The following FBXL14 variants were observed in gnomAD, a reference collection of about 807,000 sequenced individuals.
FBXL14 encodes F-box and leucine rich repeat protein 14.
In FBXL14, 11 loss-of-function variants were observed where a neutral mutation model predicts 24.5. That is an observed-to-expected ratio of 0.45 (90% confidence interval 0.28 to 0.74). FBXL14 has a LOEUF of 0.74. Ranked by LOEUF, FBXL14 falls within the 30% of genes least tolerant of loss-of-function variation. The pLI, the probability that FBXL14 is intolerant of heterozygous loss-of-function variation, is 0.12. For synonymous variants in FBXL14, 294 were observed against 240.4 expected, an observed-to-expected ratio of 1.22 and a Z score of -2.06; for missense variants, 384 against 545.6, an observed-to-expected ratio of 0.70 and a Z score of 2.95.
At position 1,569,646 on chromosome 12, in the gene FBXL14, C is replaced by T. The variant is rs148868093; in HGVS notation, c.1195-2836G>A. Among the ~76,000 whole-genome samples, 8,488 of 152,256 alleles carry T rather than the reference C, an allele frequency of 0.056. 331 individuals carry two copies. Among genetic ancestry groups the T allele is most frequent in the South Asian group, 0.19 (902 of 4,828 alleles). The stretch of plus-strand genomic sequence containing the variant: ...CGATCTCCTGAACTTGTGATCCGCC[C>T]GCCTCGGCCTCCCAGAGTGCTGGGA... On this transcript the variant is annotated intron_variant, in intron 1 of 1. Coordinates refer to ENST00000339235, the MANE Select transcript of FBXL14 (RefSeq NM_152441.3). The surrounding 1 kb of genome is among the most constrained non-coding windows in gnomAD (Gnocchi z 4.2).
rs148955964 is a variant in FBXL14 at position 1,579,701 on chromosome 12, C to T, written c.1195-12891G>A. Among the ~76,000 whole-genome samples the T allele has an allele frequency of 6.0e-4, 92 of 152,148 alleles. No individual in the cohort carries two copies. Among genetic ancestry groups the T allele is most frequent in the Non-Finnish European group, 1.1e-3 (75 of 68,012 alleles). ...AAGAAAGGACCTGAAAATTATTACT[C>T]AGGCTGGTATTTAGTTTGCTGACTT... On this transcript the variant is annotated intron_variant, in intron 1 of 1. Coordinates refer to ENST00000339235, the MANE Select transcript of FBXL14 (RefSeq NM_152441.3). This position sits in a 1 kb window ranked among gnomAD's most constrained non-coding sequence, Gnocchi z 4.3.
chr12:1,573,727 G>A (rs1477349819), intron 1 of FBXL14, among the ~76,000 whole-genome samples: 12 of 152,140 alleles, frequency 7.9e-5, no homozygotes, highest in Middle Eastern at 6.3e-3. Context: ...AAATGAGGCC[G>A]GGCCTGGTGG....
rs1163301818 is a variant in FBXL14 at position 1,594,528 on chromosome 12, G to T, written c.-462C>A. On this transcript the variant is annotated 5_prime_UTR_variant, in exon 1 of 2. Coordinates refer to ENST00000339235, the MANE Select transcript of FBXL14 (RefSeq NM_152441.3). ...AGGGGGCCCCGGGGGCCGGGCGCAC[G>T]GGCTCCGGGCGCGGAGGAGGCTTCC... 6.8e-6 allele frequency among the ~76,000 whole-genome samples: 1 copy of T among 147,664 alleles called. No individual in the cohort carries two copies. The highest frequency in any genetic ancestry group is 2.1e-4 in the South Asian group (1 of 4,812).
At chr12:1,581,558 A>G (rs888313823) in intron 1 of FBXL14, among the ~76,000 whole-genome samples, 2 of 152,170 alleles carry the variant, frequency 1.3e-5, no homozygotes, top group African/African-American at 2.4e-5. Flanking sequence ...GCTTTTTCCT[A>G]TGTGTCCTCT....
At chr12:1,592,552 T>A (rs1448141067) in intron 1 of FBXL14, among the ~76,000 whole-genome samples, 1 of 152,058 alleles carries the variant, frequency 6.6e-6, no homozygotes, top group Non-Finnish European at 1.5e-5. Flanking sequence ...GTCACAGCAG[T>A]GGGGATACAG....
intron 1 of FBXL14, among the ~76,000 whole-genome samples, chr12:1,581,213 T>TG (rs1239325409): frequency 1.5e-5 from 2 of 132,594 alleles, no homozygotes; most frequent in African/African-American, 2.7e-5. Context: ...ACCTTTAGGG[T>TG]GGGGGGTGGG....
In FBXL14 at chr12:1,590,279, A is replaced by G. The variant is rs1191559633; in HGVS notation, c.1194+2594T>C. On this transcript the variant is annotated intron_variant, in intron 1 of 1. Transcript: ENST00000339235. ...TTGTGATGACTCTCCAAAAAGGAAC[A>G]ATGCGGCTTTTGTGATATGCTCAGG... Among the ~76,000 whole-genome samples, 4 of 152,336 alleles carry G rather than the reference A, an allele frequency of 2.6e-5. No individual in the cohort carries two copies. The East Asian group carries it at 5.8e-4, about 22-fold the overall frequency.
At chr12:1,583,560 T>C (rs1010207757) in intron 1 of FBXL14, among the ~76,000 whole-genome samples, 1 of 152,206 alleles carries the variant, frequency 6.6e-6, no homozygotes, top group African/African-American at 2.4e-5. Context: ...GGAAATACTT[T>C]GCGGGTGCGG....
intron 1 of FBXL14, among the ~76,000 whole-genome samples, chr12:1,589,701 T>C (rs1363318362): frequency 1.3e-5 from 2 of 152,180 alleles, no homozygotes; most frequent in Non-Finnish European, 1.5e-5. Context: ...TCCAAAAAGG[T>C]TGAGAGATGA....
rs1592493474 is a variant in FBXL14 at position 1,594,520 on chromosome 12, G to C, written c.-454C>G. Among the ~76,000 whole-genome samples, 2 of 147,496 alleles carry C rather than the reference G, an allele frequency of 1.4e-5. No individual in the cohort carries two copies. Among genetic ancestry groups the C allele is most frequent in the South Asian group, 4.2e-4 (2 of 4,794 alleles). ...GGGCGGCGAGGGGGCCCCGGGGGCC[G>C]GGCGCACGGGCTCCGGGCGCGGAGG... On this transcript the variant is annotated 5_prime_UTR_variant, in exon 1 of 2. Transcript: ENST00000339235.
upstream of FBXL14, among the ~76,000 whole-genome samples, chr12:1,594,642 A>T (rs1592493624): frequency 2.0e-5 from 3 of 148,830 alleles, no homozygotes; most frequent in South Asian, 2.1e-4. Context: ...CAGGAGGCCA[A>T]TCCCGGCCGG....
chr12:1,572,676 C>G lies in FBXL14; in HGVS notation c.1195-5866G>C, dbSNP rs74058771. On this transcript the variant is annotated intron_variant, in intron 1 of 1. Coordinates refer to ENST00000339235, the MANE Select transcript of FBXL14 (RefSeq NM_152441.3). Reference sequence around the variant, plus strand: ...GGCAGGGCCAGGTTATCGAGGATCCCGGACAGCGTGCAGCAGAATTTAGAT... The same window carrying G: ...GGCAGGGCCAGGTTATCGAGGATCCGGGACAGCGTGCAGCAGAATTTAGAT... 2.8e-3 allele frequency among the ~76,000 whole-genome samples: 429 copies of G among 152,232 alleles called. 1 individual carries two copies. Among genetic ancestry groups the G allele is most frequent in the African/African-American group, 9.9e-3 (412 of 41,532 alleles).
Sources: allele counts gnomAD v4.1 joint callset (sites outside exome capture counted in the v4.1 genomes callset), GRCh38; gene constraint gnomAD v4.1.1; non-coding constraint Gnocchi (gnomAD v3.1); transcripts MANE v1.5; gene names NCBI Gene and HGNC (gene_info 2026-07-23, HGNC 2026-07-21).